BNC2: variants seen among roughly 807,000 people sequenced by gnomAD.
The protein encoded by BNC2 is zinc finger protein basonuclin-2.
In BNC2, 20 loss-of-function variants were observed where a neutral mutation model predicts 76.3. The ratio of observed to expected loss-of-function variants is 0.26; its 90% CI spans 0.18 to 0.38. BNC2 has a LOEUF of 0.38. Among genes scored for constraint, BNC2 ranks in the 10% least tolerant of loss-of-function variants. The probability of loss-of-function intolerance (pLI) is 1.00; values close to 1 mark genes in which losing one functional copy is unlikely to be tolerated. For missense variants in BNC2, 1,382 were observed against 1,399.8 expected (o/e 0.99, Z 0.20); for synonymous variants, 582 against 514.8 (o/e 1.13, Z -1.77).
intron 3 of BNC2, among the ~76,000 whole-genome samples, chr9:16,715,586 G>A (rs1190517165): frequency 6.6e-6 from 1 of 152,194 alleles, no homozygotes; most frequent in Non-Finnish European, 1.5e-5. Context: ...TTCAAAATCA[G>A]GAGATTTCAC....
chr9:16,836,831 T>C (rs1227942502), intron 1 of BNC2, among the ~76,000 whole-genome samples: 1 of 151,988 alleles, frequency 6.6e-6, no homozygotes, highest in Non-Finnish European at 1.5e-5. Context: ...TATAGGCAAA[T>C]TAAACTTCCT....
Position 16,416,478 on chromosome 9 carries a change from A to T in BNC2, c.*2511T>A, listed in dbSNP as rs922923515. The stretch of plus-strand genomic sequence containing the variant: ...CTGTACAGAGTCTTATATGGTATAA[A>T]ACAAAGGAAAACATCTGTCTGTTCA... On this transcript the variant is annotated 3_prime_UTR_variant, in exon 7 of 7. Coordinates refer to ENST00000380672, the MANE Select transcript of BNC2 (RefSeq NM_017637.6). 6.5e-6 allele frequency: 1 copy of T among 152,684 alleles called. No individual in the cohort carries two copies. The highest frequency in any genetic ancestry group is 2.4e-5 in the African/African-American group (1 of 41,466). The allele number at this position is 152,684 out of a possible 1,614,324, so 9.5% of individuals were successfully genotyped here.
At chr9:16,628,746 GAA>G (rs1821072829) in intron 3 of BNC2, among the ~76,000 whole-genome samples, 1 of 152,108 alleles carries the variant, frequency 6.6e-6, no homozygotes, top group Admixed American at 6.5e-5. Context: ...AAAGCATTCT[GAA>G]AAAGATTCCC....
At chr9:16,648,930 G>A (rs1466682874) in intron 3 of BNC2, among the ~76,000 whole-genome samples, 1 of 152,224 alleles carries the variant, frequency 6.6e-6, no homozygotes, top group Non-Finnish European at 1.5e-5. Flanking sequence ...AATATAGTTT[G>A]AGTCAATCAC....
At chr9:16,867,137 A>C (rs1819562207) in intron 1 of BNC2, among the ~76,000 whole-genome samples, 1 of 152,178 alleles carries the variant, frequency 6.6e-6, no homozygotes, top group Non-Finnish European at 1.5e-5. Context: ...AAACAACAAC[A>C]TGTATGAACA....
At chr9:16,729,571 G>A (rs1824447150) in intron 2 of BNC2, among the ~76,000 whole-genome samples, 1 of 151,998 alleles carries the variant, frequency 6.6e-6, no homozygotes, top group Non-Finnish European at 1.5e-5. Context: ...CCACCATTAA[G>A]CACAAAAAAG....
chr9:16,498,224 TATATATATATTCCATC>T lies in BNC2; in HGVS notation c.669+54290_669+54305del, dbSNP rs1822440528. Among the ~76,000 whole-genome samples the T allele has an allele frequency of 4.2e-4, 43 of 101,902 alleles. 1 individual carries two copies. The highest frequency in any genetic ancestry group is 6.0e-4 in the Admixed American group (6 of 10,076). 66.9% of individuals were successfully genotyped at this position (101,902 alleles called of 152,430 possible). A position where few individuals can be genotyped will look rare whatever the true frequency, so the allele number is the denominator to read the frequency against. ...ATTCCATCATATATATATTCCATCA[TATATATATATTCCATC>T]ATATATATATATATTCCATCATATA... On this transcript the variant is annotated intron_variant, in intron 5 of 6. Transcript: ENST00000380672.
chr9:16,437,503 C>A lies in BNC2; in HGVS notation c.691G>T (p.Asp231Tyr). 6.2e-7 allele frequency: 1 copy of A among 1,613,092 alleles called. No homozygotes were observed. Among genetic ancestry groups the A allele is most frequent in the Non-Finnish European group, 8.5e-7 (1 of 1,179,994 alleles). Residue 231 changes from aspartate (D) to tyrosine (Y), a missense_variant, in exon 6 of 7, where the codon GAC becomes TAC. By Grantham distance (160) the Asp-to-Tyr change is radical. Transcript: ENST00000380672. Reference sequence around the variant, plus strand: ...TCTCGAGACATGATGGCCCAGCGGTCCAGCACCTTGCCAGCAGCATCCTAG... The same window carrying A: ...TCTCGAGACATGATGGCCCAGCGGTACAGCACCTTGCCAGCAGCATCCTAG... ...ILQDAAGKVL[D>Y]RWAIMSREEE...
intron 3 of BNC2, among the ~76,000 whole-genome samples, chr9:16,652,512 CTTTAATAAAAGA>C (rs1428721346): frequency 6.6e-6 from 1 of 152,090 alleles, no homozygotes; most frequent in Non-Finnish European, 1.5e-5. Flanking sequence ...GAAAAATTCA[CTTTAATAAAAGA>C]TTTAAAGTGA....
At chr9:16,829,697 G>C (rs1164175288) in intron 1 of BNC2, among the ~76,000 whole-genome samples, 1 of 152,094 alleles carries the variant, frequency 6.6e-6, no homozygotes, top group Non-Finnish European at 1.5e-5. Context: ...GTAGGCACTT[G>C]TTAAATATTT....
intron 5 of BNC2, among the ~76,000 whole-genome samples, chr9:16,512,494 A>G (rs1051613423): frequency 6.6e-6 from 1 of 152,152 alleles, no homozygotes; most frequent in Non-Finnish European, 1.5e-5. Flanking sequence ...GCACACACAC[A>G]CACACACACA....
intron 2 of BNC2, among the ~76,000 whole-genome samples, chr9:16,736,784 T>C (rs1824684444): frequency 6.6e-6 from 1 of 151,486 alleles, no homozygotes; most frequent in Non-Finnish European, 1.5e-5. Context: ...TATTGTTTTT[T>C]TTTTCTTTCT....
intron 1 of BNC2, among the ~76,000 whole-genome samples, chr9:16,864,651 G>T (rs1271911124): frequency 1.3e-5 from 2 of 152,182 alleles, no homozygotes; most frequent in Non-Finnish European, 2.9e-5. Context: ...TCCCTGGGAT[G>T]CATATCAACA....
chr9:16,839,615 C>T (rs1268530163), intron 1 of BNC2, among the ~76,000 whole-genome samples: 1 of 152,152 alleles, frequency 6.6e-6, no homozygotes. Flanking sequence ...AGCTCTCGGA[C>T]CAACGATTTC....
intron 3 of BNC2, among the ~76,000 whole-genome samples, chr9:16,674,529 G>T (rs116051880): frequency 0.019 from 2,836 of 152,090 alleles, 93 homozygotes; most frequent in African/African-American, 0.064. Flanking sequence ...AAGAAGATGT[G>T]TGTTTACTTA....
intron 3 of BNC2, among the ~76,000 whole-genome samples, chr9:16,608,952 T>G (rs1820460519): frequency 6.6e-6 from 1 of 152,222 alleles, no homozygotes; most frequent in Admixed American, 6.5e-5. Context: ...TTAAGGTTCC[T>G]AAACATCATA....
At chr9:16,644,480 AAT>A (rs1470056049) in intron 3 of BNC2, among the ~76,000 whole-genome samples, 3 of 152,170 alleles carry the variant, frequency 2.0e-5, no homozygotes, top group African/African-American at 7.2e-5. Flanking sequence ...AATAGAAAAA[AAT>A]AAATCAACTC....
chr9:16,423,531 T>G (rs1294475901), intron 6 of BNC2, among the ~76,000 whole-genome samples: 1 of 152,226 alleles, frequency 6.6e-6, no homozygotes, highest in African/African-American at 2.4e-5. Context: ...TTATGTGTCC[T>G]GCACGTAAAG....
At chr9:16,513,749 G>A (rs1036283118) in intron 5 of BNC2, among the ~76,000 whole-genome samples, 5 of 152,184 alleles carry the variant, frequency 3.3e-5, no homozygotes, top group African/African-American at 7.2e-5. Flanking sequence ...AGGACCGTAG[G>A]TTGAAGACTG....
Sources: allele counts gnomAD v4.1 joint callset (sites outside exome capture counted in the v4.1 genomes callset), GRCh38; gene constraint gnomAD v4.1.1; transcripts MANE v1.5; gene names NCBI Gene and HGNC (gene_info 2026-07-23, HGNC 2026-07-21).